MYO15A: variants seen among roughly 807,000 people sequenced by gnomAD.
MYO15A encodes myosin XVA, also known as unconventional myosin-XV.
In MYO15A, 308 loss-of-function variants were observed where a neutral mutation model predicts 394.6. The observed-to-expected ratio is 0.78, with a 90% confidence interval of 0.71 to 0.86. The LOEUF (loss-of-function observed/expected upper bound fraction) is 0.86. Ranked by LOEUF, MYO15A falls within the 40% of genes least tolerant of loss-of-function variation. The pLI is 0.00. For missense variants in MYO15A, 4,606 were observed against 4,799.1 expected, an observed-to-expected ratio of 0.96 and a Z score of 1.19; for synonymous variants, 1,957 against 2,003.8, an observed-to-expected ratio of 0.98 and a Z score of 0.62.
At chr17:18,137,392 T>C (rs1284479979) in intron 15 of MYO15A, among the ~76,000 whole-genome samples, 192 bp from the exon 16 acceptor site, 1 of 152,222 alleles carries the variant, frequency 6.6e-6, no homozygotes, top group Non-Finnish European at 1.5e-5. Flanking sequence ...GCCTTGGCCT[T>C]CAGGCACTGC....
intron 62 of MYO15A, among the ~76,000 whole-genome samples, chr17:18,169,963 CCT>C (rs1429761836): frequency 3.9e-4 from 47 of 121,740 alleles, no homozygotes; most frequent in Admixed American, 8.4e-4. Flanking sequence ...AGAGCAAGAC[CCT>C]GTCTCAAAAA....
intron 16 of MYO15A, 120 bp from the exon 17 acceptor site, chr17:18,137,995 T>C: frequency 7.5e-7 from 1 of 1,336,254 alleles, no homozygotes; most frequent in Non-Finnish European, 1.0e-6. Flanking sequence ...CTCCCTGTTC[T>C]GGGAGGTATG....
In MYO15A at chr17:18,148,379, G is replaced by T; in HGVS notation, c.6692-117G>T. 6.8e-7 allele frequency: 1 copy of T among 1,467,714 alleles called. No homozygotes were observed. Among genetic ancestry groups the T allele is most frequent in the South Asian group, 1.2e-5 (1 of 82,086 alleles). 90.9% of individuals were successfully genotyped at this position (1,467,714 alleles called of 1,614,324 possible). A position where few individuals can be genotyped will look rare whatever the true frequency, so the allele number is the denominator to read the frequency against. ...GGGTGGGACCTGGCCCAGGAAAGGG[G>T]AGCCAGGGAAGTGAGGCTACAGATA... is the stretch of plus-strand genomic sequence containing the variant. On this transcript the variant is annotated intron_variant, in intron 31 of 65. Coordinates refer to ENST00000647165, the MANE Select transcript of MYO15A (RefSeq NM_016239.4). This position sits in a 1 kb window ranked among gnomAD's most constrained non-coding sequence, Gnocchi z 4.8.
chr17:18,167,508 C>T, intron 61 of MYO15A, 82 bp from the exon 62 acceptor site: 1 of 1,589,836 alleles, frequency 6.3e-7, no homozygotes, highest in Non-Finnish European at 8.5e-7. Flanking sequence ...AATCATTAAA[C>T]ATGCATGTCC....
At chr17:18,151,021 C>T in intron 38 of MYO15A, 89 bp from the exon 39 acceptor site, 3 of 1,607,350 alleles carry the variant, frequency 1.9e-6, no homozygotes, top group South Asian at 1.1e-5. Flanking sequence ...CCCAGGAGCT[C>T]CACAACCCAT....
chr17:18,164,031 CT>C, intron 60 of MYO15A, 193 bp downstream of exon 60: 1 of 641,282 alleles, frequency 1.6e-6, no homozygotes, highest in Non-Finnish European at 2.8e-6. Context: ...TTCTGCTTTG[CT>C]TAGTTTGCCT....
At chr17:18,154,787 G>A in intron 45 of MYO15A, 32 bp downstream of exon 45, 1 of 1,607,484 alleles carries the variant, frequency 6.2e-7, no homozygotes, top group Admixed American at 1.7e-5. Flanking sequence ...GTACTGATGG[G>A]GCAACCAGTC....
At chr17:18,128,032 G>A (rs1033851838) in intron 7 of MYO15A, among the ~76,000 whole-genome samples, 4 of 151,920 alleles carry the variant, frequency 2.6e-5, no homozygotes, top group Non-Finnish European at 4.4e-5. Context: ...TAGGGGAACA[G>A]TGAAGAGGCA....
intron 15 of MYO15A, 73 bp from the exon 16 acceptor site, chr17:18,137,509 CCA>C: frequency 7.3e-7 from 1 of 1,362,272 alleles, no homozygotes; most frequent in South Asian, 1.2e-5. Flanking sequence ...TTTGAAGTTG[CCA>C]CCAGGGAAGG....
In MYO15A at chr17:18,140,844, C is replaced by A; in HGVS notation, c.5406+12C>A. ...CCAACCACAAGAAGGTGAGTGAGAGCTGAGGCCTCTGAGAGAGCCAAATCC... is the reference window on the plus strand; with the variant it reads ...CCAACCACAAGAAGGTGAGTGAGAGATGAGGCCTCTGAGAGAGCCAAATCC... On this transcript the variant is annotated intron_variant, in intron 21 of 65. Coordinates refer to ENST00000647165, the MANE Select transcript of MYO15A (RefSeq NM_016239.4). 6.2e-7 allele frequency: 1 copy of A among 1,614,026 alleles called. No individual in the cohort carries two copies. Among genetic ancestry groups the A allele is most frequent in the Non-Finnish European group, 8.5e-7 (1 of 1,180,048 alleles).
At chr17:18,124,190 C>T (rs2045989612) in intron 2 of MYO15A, 1 of 461,376 alleles carries the variant, frequency 2.2e-6, no homozygotes, top group East Asian at 4.1e-5. Flanking sequence ...GGGAGCTGGC[C>T]CATGCGCCCA....
Position 18,119,498 on chromosome 17 carries a change from G to A in MYO15A, c.698G>A (p.Gly233Asp), listed in dbSNP as rs759751186. ...LYGLEGFQDL[G>D]EYYDYHRDGD... Reference sequence around the variant, plus strand: ...GGGCTTGAGGGCTTCCAGGACCTGGGCGAGTATTATGACTATCACCGCGAC... The same window carrying A: ...GGGCTTGAGGGCTTCCAGGACCTGGACGAGTATTATGACTATCACCGCGAC... Residue 233 changes from glycine (G) to aspartate (D), a missense_variant, in exon 2 of 66, where the codon GGC becomes GAC. Gly to Asp is a moderately conservative substitution (Grantham distance 94). Coordinates refer to ENST00000647165, the MANE Select transcript of MYO15A (RefSeq NM_016239.4). 3 of 1,612,460 alleles carry A rather than the reference G, an allele frequency of 1.9e-6. No individual in the cohort carries two copies. The South Asian group carries it at 3.3e-5, about 18-fold the overall frequency.
chr17:18,159,907 G>A lies in MYO15A; in HGVS notation c.9304-28G>A, dbSNP rs773292869. On this transcript the variant is annotated intron_variant, in intron 55 of 65. Coordinates refer to ENST00000647165, the MANE Select transcript of MYO15A (RefSeq NM_016239.4). ...ATGACATAGCCCCTCACATGTCTTTGGTGTGTAACCTCCCTGCCCCCCTTC... is the reference window on the plus strand; with the variant it reads ...ATGACATAGCCCCTCACATGTCTTTAGTGTGTAACCTCCCTGCCCCCCTTC... 7 of 1,611,596 alleles carry A rather than the reference G, an allele frequency of 4.3e-6. No individual in the cohort carries two copies. In the African/African-American group the frequency reaches 9.4e-5, roughly 22 times the overall value.
intron 7 of MYO15A, among the ~76,000 whole-genome samples, chr17:18,127,897 T>C (rs556443313): frequency 2.3e-3 from 328 of 144,032 alleles, no homozygotes; most frequent in Non-Finnish European, 4.0e-3. Context: ...TGTGAAAGGG[T>C]AGGTGGTGAG....
chr17:18,167,673 G>A lies in MYO15A; in HGVS notation c.10032G>A (p.Lys3344=), dbSNP rs952840596. Reference sequence around the variant, plus strand: ...AGCAGCTGCTGCAGCAGGTGTCCAAGCTGGCTTCACTGCAGCATCGCGCCA... The same window carrying A: ...AGCAGCTGCTGCAGCAGGTGTCCAAACTGGCTTCACTGCAGCATCGCGCCA... ...PSEQLLQQVS[K]LASLQHRAKD... is the part of the protein sequence containing the mutation. Residue 3344 remains lysine (K), a synonymous_variant, in exon 62 of 66, where the codon AAG becomes AAA. Transcript: ENST00000647165. 3 of 1,604,530 alleles carry A rather than the reference G, an allele frequency of 1.9e-6. No homozygotes were observed. The highest frequency in any genetic ancestry group is 2.5e-6 in the Non-Finnish European group (3 of 1,179,970).
intron 62 of MYO15A, among the ~76,000 whole-genome samples, chr17:18,171,009 C>A (rs1183254193): frequency 1.3e-5 from 2 of 152,210 alleles, no homozygotes; most frequent in African/African-American, 4.8e-5. Context: ...AGGGGGTTCC[C>A]CTGGTTTTCT....
rs1230470125 is a variant in MYO15A at position 18,133,295 on chromosome 17, T to C, written c.4391T>C (p.Val1464Ala). ...CGCCGGCTCCTGGCTGCCATGGAGG[T>C]GTTGGGCTTCAGCAGTGAGGACCAG... ...DFRRLLAAME[V>A]LGFSSEDQDS... The change falls in exon 12 of 66, where the codon GTG becomes GCG. Residue 1464 changes from valine to alanine, a missense_variant. This residue lies in a region of MYO15A where 2,776 missense variants were observed against 3,109.3 expected (regional missense o/e 0.89). Transcript: ENST00000647165. The C allele has an allele frequency of 2.5e-6, 4 of 1,613,948 alleles. No individual in the cohort carries two copies. The highest frequency in any genetic ancestry group is 1.7e-5 in the Admixed American group (1 of 59,992).
At position 18,162,770 on chromosome 17, in the gene MYO15A, C is replaced by T. The variant is rs534428530; in HGVS notation, c.9612+91C>T. The stretch of plus-strand genomic sequence containing the variant: ...ATCCCAGCACTTTGGGAGGCTGAGG[C>T]GGGCAGATCACCTGAGGTCAGGAGT... On this transcript the variant is annotated intron_variant, in intron 58 of 65. Transcript: ENST00000647165. The T allele has an allele frequency of 1.6e-5, 22 of 1,344,098 alleles. No individual in the cohort carries two copies. The African/African-American group carries it at 2.3e-4, about 14-fold the overall frequency. 83.3% of individuals were successfully genotyped at this position (1,344,098 alleles called of 1,614,324 possible). A position where few individuals can be genotyped will look rare whatever the true frequency, so the allele number is the denominator to read the frequency against.
chr17:18,175,292 C>CTTTTTTTT (rs1182500584), intron 65 of MYO15A, among the ~76,000 whole-genome samples: 6 of 91,286 alleles, frequency 6.6e-5, no homozygotes, highest in Non-Finnish European at 1.1e-4. Flanking sequence ...TCTAGACTAT[C>CTTTTTTTT]TTTTTTTTTT....
Sources: allele counts gnomAD v4.1 joint callset (sites outside exome capture counted in the v4.1 genomes callset), GRCh38; gene constraint gnomAD v4.1.1; regional missense constraint gnomAD v4.1.1; non-coding constraint Gnocchi (gnomAD v3.1); transcripts MANE v1.5; gene names NCBI Gene and HGNC (gene_info 2026-07-23, HGNC 2026-07-21).